ROBO1: variants seen among roughly 807,000 people sequenced by gnomAD.
The protein encoded by ROBO1 is roundabout guidance receptor 1.
A neutral mutation model predicts 195.9 loss-of-function variants in ROBO1; 149 were observed. The observed-to-expected ratio is 0.76, with a 90% CI of 0.67 to 0.87. ROBO1 has a LOEUF of 0.87. Among genes scored for constraint, ROBO1 ranks in the 40% least tolerant of loss-of-function variants. The pLI is 0.00. For synonymous variants in ROBO1, 816 were observed against 733.2 expected (o/e 1.11, Z -1.82); for missense variants, 1,933 against 2,068.3 (o/e 0.93, Z 1.27).
intron 3 of ROBO1, among the ~76,000 whole-genome samples, chr3:79,027,831 A>G (rs1334708573): frequency 6.6e-6 from 1 of 152,056 alleles, no homozygotes; most frequent in Non-Finnish European, 1.5e-5. Flanking sequence ...TTTCACTTGT[A>G]ACACCATATC....
intron 12 of ROBO1, 32 bp downstream of exon 12, chr3:78,668,452 T>C (rs1158673923): frequency 1.2e-6 from 2 of 1,611,172 alleles, no homozygotes; most frequent in Non-Finnish European, 1.7e-6. Context: ...ATTTTAAGCT[T>C]CACTTTAAGG....
chr3:79,108,843 GT>G (rs1418323340), intron 3 of ROBO1, among the ~76,000 whole-genome samples: 1 of 151,750 alleles, frequency 6.6e-6, no homozygotes, highest in South Asian at 2.1e-4. Flanking sequence ...ATCTCCACCA[GT>G]TCTTTTTAAA....
chr3:78,775,385 A>G (rs984639312), intron 4 of ROBO1, among the ~76,000 whole-genome samples: 1 of 152,040 alleles, frequency 6.6e-6, no homozygotes, highest in Non-Finnish European at 1.5e-5. Flanking sequence ...TTTATATAAT[A>G]CATTTTATTC....
intron 2 of ROBO1, among the ~76,000 whole-genome samples, chr3:79,283,056 C>G (rs1305087287): frequency 6.6e-6 from 1 of 152,186 alleles, no homozygotes; most frequent in African/African-American, 2.4e-5. Flanking sequence ...TTATTTGTAT[C>G]TATATAAATT....
At chr3:79,317,409 A>C (rs2033783801) in intron 2 of ROBO1, among the ~76,000 whole-genome samples, 1 of 152,056 alleles carries the variant, frequency 6.6e-6, no homozygotes, top group African/African-American at 2.4e-5. Flanking sequence ...GCCAGCTTCC[A>C]TATCTCCATA....
At chr3:78,667,419 T>A (rs887338475) in intron 14 of ROBO1, among the ~76,000 whole-genome samples, 2 of 152,106 alleles carry the variant, frequency 1.3e-5, no homozygotes, top group African/African-American at 4.8e-5. Flanking sequence ...TTACAAACAT[T>A]CCAGTTATAC....
chr3:79,603,363 C>T (rs530004989), intron 1 of ROBO1, among the ~76,000 whole-genome samples: 1 of 152,084 alleles, frequency 6.6e-6, no homozygotes, highest in East Asian at 1.9e-4. Flanking sequence ...GAACCAAGGG[C>T]ATCTCACCCT....
chr3:79,693,397 GT>G, intron 1 of ROBO1, among the ~76,000 whole-genome samples: 1 of 79,154 alleles, frequency 1.3e-5, no homozygotes, highest in Non-Finnish European at 3.4e-5. Flanking sequence ...GTGTGTGTGT[GT>G]GTGTGTGTGT....
chr3:78,937,351 T>C (rs1259871245), intron 4 of ROBO1, among the ~76,000 whole-genome samples: 5 of 151,900 alleles, frequency 3.3e-5, no homozygotes, highest in African/African-American at 1.2e-4. Flanking sequence ...ACTAATTATA[T>C]AATTAAAATT....
chr3:78,938,559 T>G, intron 4 of ROBO1, 42 bp downstream of exon 4: 2 of 1,533,492 alleles, frequency 1.3e-6, no homozygotes, highest in Non-Finnish European at 1.8e-6. Context: ...GACGCCACTC[T>G]GCCACTCCCT....
At chr3:78,732,749 CAA>C (rs1576043759) in intron 5 of ROBO1, among the ~76,000 whole-genome samples, 2 of 151,974 alleles carry the variant, frequency 1.3e-5, no homozygotes, top group South Asian at 4.2e-4. Flanking sequence ...TCTATCCACT[CAA>C]AGAGACAAAT....
chr3:78,676,623 G>T (rs892994142), intron 10 of ROBO1, among the ~76,000 whole-genome samples: 7 of 151,982 alleles, frequency 4.6e-5, no homozygotes, highest in Non-Finnish European at 8.8e-5. Flanking sequence ...GAAGTTTAGA[G>T]AAAAAAGAAT....
At chr3:78,623,553 G>A (rs549773898) in intron 26 of ROBO1, among the ~76,000 whole-genome samples, 8 of 152,230 alleles carry the variant, frequency 5.3e-5, no homozygotes, top group African/African-American at 1.9e-4. Context: ...AAGAAAAATG[G>A]GAAGCCATTG....
intron 3 of ROBO1, among the ~76,000 whole-genome samples, chr3:79,063,045 C>T (rs977368951): frequency 1.3e-5 from 2 of 151,856 alleles, no homozygotes; most frequent in East Asian, 1.9e-4. Flanking sequence ...CTGTACAGGG[C>T]AGGATAGTAA....
At chr3:79,017,755 A>C (rs1272745283) in intron 3 of ROBO1, among the ~76,000 whole-genome samples, 1 of 152,090 alleles carries the variant, frequency 6.6e-6, no homozygotes, top group Non-Finnish European at 1.5e-5. Flanking sequence ...CGCCAATGAG[A>C]ATCCCCAGGC....
At chr3:78,982,230 T>C (rs927981971) in intron 3 of ROBO1, among the ~76,000 whole-genome samples, 1 of 152,138 alleles carries the variant, frequency 6.6e-6, no homozygotes, top group East Asian at 1.9e-4. Context: ...TACACCCCAA[T>C]TCCTTCTCCT....
chr3:79,584,969 G>T (rs1943782945), intron 2 of ROBO1, among the ~76,000 whole-genome samples: 1 of 151,564 alleles, frequency 6.6e-6, no homozygotes, highest in Non-Finnish European at 1.5e-5. Flanking sequence ...AACACTCAGA[G>T]AATATTTGAT....
intron 4 of ROBO1, among the ~76,000 whole-genome samples, chr3:78,788,768 G>C (rs776687090): frequency 1.3e-5 from 2 of 151,712 alleles, no homozygotes; most frequent in Non-Finnish European, 2.9e-5. Flanking sequence ...ATTCAAATTG[G>C]CAAAACTGAC....
chr3:79,345,381 G>T (rs943093239), intron 2 of ROBO1, among the ~76,000 whole-genome samples: 3 of 152,078 alleles, frequency 2.0e-5, no homozygotes, highest in African/African-American at 7.2e-5. Context: ...CAATTGACAC[G>T]TGACTCAGTG....
Sources: allele counts gnomAD v4.1 joint callset (sites outside exome capture counted in the v4.1 genomes callset), GRCh38; gene constraint gnomAD v4.1.1; transcripts MANE v1.5; gene names NCBI Gene and HGNC (gene_info 2026-07-23, HGNC 2026-07-21).